SH3GLB2: variants seen among roughly 807,000 people sequenced by gnomAD.
The protein encoded by SH3GLB2 is SH3 domain containing GRB2 like, endophilin B2.
In SH3GLB2, 24 loss-of-function variants were observed where a neutral mutation model predicts 48.0. That is an observed-to-expected ratio of 0.50 (90% CI 0.36 to 0.70). The LOEUF (loss-of-function observed/expected upper bound fraction) is 0.70. Among genes scored for constraint, SH3GLB2 ranks in the 30% least tolerant of loss-of-function variants. The pLI is 0.00. For missense variants in SH3GLB2, 425 were observed against 516.0 expected, an observed-to-expected ratio of 0.82 and a Z score of 1.71; for synonymous variants, 227 against 207.6, an observed-to-expected ratio of 1.09 and a Z score of -0.80.
chr9:129,025,909 A>G (rs918575186), intron 1 of SH3GLB2, among the ~76,000 whole-genome samples: 12 of 152,056 alleles, frequency 7.9e-5, no homozygotes, highest in South Asian at 2.1e-4. Context: ...TCTGGACTTT[A>G]TAAGTATTAC....
intron 8 of SH3GLB2, 59 bp downstream of exon 8, chr9:129,010,061 C>T: frequency 6.5e-7 from 1 of 1,547,906 alleles, no homozygotes. Flanking sequence ...CCTTGTGGTT[C>T]AGGCACACCT....
rs200547620 is a variant in SH3GLB2, at chr9:129,012,237, G to A, written c.623C>T (p.Ala208Val). 251 of 1,290,894 alleles carry A rather than the reference G, an allele frequency of 1.9e-4. 3 individuals are homozygous for A. The Middle Eastern group carries it at 8.0e-3, about 41-fold the overall frequency. 80.0% of individuals were successfully genotyped at this position (1,290,894 alleles called of 1,614,324 possible). ...RNYILSASAS[A>V]LWNDEVDKAE... is the part of the protein sequence containing the mutation. ...GGGGTGGGGGTGGGGTGCGCTTACC[G>A]CGGAGGCGCTGGCCGAGAGAATGTA... Residue 208 changes from alanine (A) to valine (V), a missense_variant and splice_region_variant, in exon 6 of 11, where the codon GCG becomes GTG. Physicochemically the swap from Ala to Val is moderately conservative, Grantham distance 64. Transcript: ENST00000372564.
chr9:129,026,741 A>G (rs1844187486), intron 1 of SH3GLB2, among the ~76,000 whole-genome samples: 1 of 152,166 alleles, frequency 6.6e-6, no homozygotes, highest in Non-Finnish European at 1.5e-5. Flanking sequence ...GATGTGGGAG[A>G]TAGTGTGGTT....
chr9:129,027,723 G>A (rs908427340), intron 1 of SH3GLB2, among the ~76,000 whole-genome samples: 5 of 152,222 alleles, frequency 3.3e-5, no homozygotes, highest in Non-Finnish European at 5.9e-5. Flanking sequence ...CCCTGGGCCT[G>A]GGACCCAGGT....
intron 3 of SH3GLB2, among the ~76,000 whole-genome samples, chr9:129,019,084 T>A (rs1843623677): frequency 6.7e-6 from 1 of 148,498 alleles, no homozygotes; most frequent in African/African-American, 2.6e-5. Flanking sequence ...GTGATGGAAA[T>A]GTTCTTTAAA....
intron 3 of SH3GLB2, among the ~76,000 whole-genome samples, chr9:129,018,914 T>C (rs529825524): frequency 4.6e-5 from 7 of 150,674 alleles, no homozygotes; most frequent in Non-Finnish European, 1.0e-4. Flanking sequence ...AAAATTATGT[T>C]AGGTAAAAGC....
At chr9:129,020,955 G>A (rs542189636) in intron 3 of SH3GLB2, 136 bp downstream of exon 3, 1 of 1,073,132 alleles carries the variant, frequency 9.3e-7, no homozygotes, top group Non-Finnish European at 1.2e-6. Context: ...TTTTTTCTGC[G>A]TAGAGTTTTT....
At chr9:129,010,038 G>C in intron 8 of SH3GLB2, 82 bp downstream of exon 8, 2 of 1,468,116 alleles carry the variant, frequency 1.4e-6, no homozygotes, top group Non-Finnish European at 1.9e-6. Context: ...CCATTCTGGG[G>C]CAGCCCTGCT....
chr9:129,010,090 G>C (rs778238656), intron 8 of SH3GLB2, 30 bp downstream of exon 8: 7 of 1,599,046 alleles, frequency 4.4e-6, no homozygotes, highest in African/African-American at 1.3e-5. Flanking sequence ...CTGAGGGTTA[G>C]GTTTAGTGAG....
Position 129,008,596 on chromosome 9 carries a change from C to T in SH3GLB2, c.*88G>A. 9.9e-7 allele frequency: 1 copy of T among 1,010,874 alleles called. No individual in the cohort carries two copies. Among genetic ancestry groups the T allele is most frequent in the Non-Finnish European group, 1.5e-6 (1 of 653,758 alleles). 62.6% of individuals were successfully genotyped at this position (1,010,874 alleles called of 1,614,324 possible). On this transcript the variant is annotated 3_prime_UTR_variant, in exon 11 of 11. Transcript: ENST00000372564. ...GGTGAATTCTCCCCACTCTGAACAA[C>T]TGTGTCACCAACAAACAAGTTAAGT...
intron 5 of SH3GLB2, chr9:129,013,094 G>A (rs1843219347): frequency 2.6e-6 from 4 of 1,530,602 alleles, no homozygotes; most frequent in South Asian, 2.4e-5. Context: ...GCAGGCAGGA[G>A]CAGGCCCCCC....
At chr9:129,018,232 T>TA (rs1183485473) in intron 3 of SH3GLB2, among the ~76,000 whole-genome samples, 5 of 152,072 alleles carry the variant, frequency 3.3e-5, no homozygotes, top group Admixed American at 6.6e-5. Context: ...CTGACAGGAA[T>TA]AAAAAAATCA....
At chr9:129,009,895 G>T in intron 8 of SH3GLB2, 24 bp from the exon 9 acceptor site, 1 of 1,601,896 alleles carries the variant, frequency 6.2e-7, no homozygotes, top group South Asian at 1.1e-5. Context: ...GCCAGAGGCT[G>T]ACTTCTAACC....
chr9:129,011,865 C>T lies in SH3GLB2; in HGVS notation c.624+371G>A, dbSNP rs1394862699. On this transcript the variant is annotated intron_variant, in intron 6 of 10. Coordinates refer to ENST00000372564, the MANE Select transcript of SH3GLB2 (RefSeq NM_020145.4). The surrounding 1 kb of genome is among the most constrained non-coding windows in gnomAD (Gnocchi z 4.5). ...TGAACTCCAGAAAGGCACGGCCAGGCCTCCTCCTCTATCCTCAGGGCCTCC... is the reference window on the plus strand; with the variant it reads ...TGAACTCCAGAAAGGCACGGCCAGGTCTCCTCCTCTATCCTCAGGGCCTCC... 2 of 229,622 alleles carry T rather than the reference C, an allele frequency of 8.7e-6. No individual in the cohort carries two copies. Among genetic ancestry groups the T allele is most frequent in the Non-Finnish European group, 8.4e-6 (1 of 118,644 alleles). 14.2% of individuals were successfully genotyped at this position (229,622 alleles called of 1,614,324 possible).
intron 3 of SH3GLB2, chr9:129,015,840 T>C: frequency 2.8e-6 from 1 of 355,000 alleles, no homozygotes; most frequent in South Asian, 2.1e-5. Flanking sequence ...TGCACTCCAG[T>C]CTGGGTGACA....
chr9:129,021,122 C>T lies in SH3GLB2; in HGVS notation c.303G>A (p.Ala101=), dbSNP rs147042800. The T allele has an allele frequency of 1.4e-5, 22 of 1,610,924 alleles. No homozygotes were observed. The highest frequency in any genetic ancestry group is 4.0e-5 in the African/African-American group (3 of 74,758). Residue 101 remains alanine, a synonymous_variant, in exon 3 of 11, where the codon GCG becomes GCA. Coordinates refer to ENST00000372564, the MANE Select transcript of SH3GLB2 (RefSeq NM_020145.4). The stretch of plus-strand genomic sequence containing the variant: ...GGGTGGTCGGCCCCAGCTCACTGGC[C>T]GCGTCTGCCATGTACTGAGCCAGCA... ...GELLAQYMAD[A]ASELGPTTPY...
chr9:129,027,966 T>C (rs796610395), intron 1 of SH3GLB2, 126 bp downstream of exon 1: 2 of 876,114 alleles, frequency 2.3e-6, no homozygotes, highest in African/African-American at 1.8e-5. Context: ...GGCAGAGGTG[T>C]GCCGCGGCGG....
rs1186465389 is a variant in SH3GLB2, at chr9:129,014,162, G to A, written c.561+249C>T. 5 of 624,510 alleles carry A rather than the reference G, an allele frequency of 8.0e-6. No individual in the cohort carries two copies. Among genetic ancestry groups the A allele is most frequent in the Non-Finnish European group, 1.5e-5 (5 of 340,128 alleles). The allele number at this position is 624,510 out of a possible 1,614,324, so 38.7% of individuals were successfully genotyped here. A position where few individuals can be genotyped will look rare whatever the true frequency, so the allele number is the denominator to read the frequency against. ...GACTCCAGCTGCCTGGCGGGGTGGT[G>A]CACCCAGCTGGGGGCACTGCTGGTC... On this transcript the variant is annotated intron_variant, in intron 5 of 10. Transcript: ENST00000372564. This position sits in a 1 kb window ranked among gnomAD's most constrained non-coding sequence, Gnocchi z 4.1.
At chr9:129,015,792 G>T (rs192973620) in intron 3 of SH3GLB2, 1 of 297,146 alleles carries the variant, frequency 3.4e-6, no homozygotes, top group Admixed American at 3.8e-5. Flanking sequence ...TTGAACCCAG[G>T]AGTTTGAGGC....
Sources: allele counts gnomAD v4.1 joint callset (sites outside exome capture counted in the v4.1 genomes callset), GRCh38; gene constraint gnomAD v4.1.1; non-coding constraint Gnocchi (gnomAD v3.1); transcripts MANE v1.5; gene names NCBI Gene and HGNC (gene_info 2026-07-23, HGNC 2026-07-21).